ZBTB7C: variants seen among roughly 807,000 people sequenced by gnomAD.
ZBTB7C encodes zinc finger and BTB domain containing 7C.
Under a neutral mutation model 25.7 loss-of-function variants are expected in ZBTB7C, and 8 were observed. That is an observed-to-expected ratio of 0.31 (90% confidence interval 0.18 to 0.56). The LOEUF is 0.56. Among genes scored for constraint, ZBTB7C ranks in the 20% least tolerant of loss-of-function variants. ZBTB7C has a pLI of 0.91. For missense variants in ZBTB7C, 824 were observed against 855.2 expected (o/e 0.96, Z 0.46); for synonymous variants, 394 against 369.0 (o/e 1.07, Z -0.78).
At chr18:48,298,343 G>A (rs1025716393) in intron 2 of ZBTB7C, among the ~76,000 whole-genome samples, 1 of 151,456 alleles carries the variant, frequency 6.6e-6, no homozygotes, top group African/African-American at 2.4e-5. Context: ...GGACAGACCT[G>A]CCCCCTGTCC....
At chr18:48,278,649 C>T (rs1169002258) in intron 2 of ZBTB7C, among the ~76,000 whole-genome samples, 2 of 152,088 alleles carry the variant, frequency 1.3e-5, no homozygotes, top group Admixed American at 6.5e-5. Context: ...AGGCTGGTCT[C>T]GAACTCCTGA....
At chr18:48,371,752 AT>A (rs2047393757) in intron 1 of ZBTB7C, among the ~76,000 whole-genome samples, 2 of 152,340 alleles carry the variant, frequency 1.3e-5, no homozygotes, top group South Asian at 4.1e-4. Flanking sequence ...GGCAGGTTTC[AT>A]TATTCCTAAA....
At chr18:48,205,857 T>C (rs1265899126) in intron 2 of ZBTB7C, among the ~76,000 whole-genome samples, 1 of 152,156 alleles carries the variant, frequency 6.6e-6, no homozygotes, top group Non-Finnish European at 1.5e-5. Flanking sequence ...ATAACCTCTC[T>C]CAAGGTTGTT....
At chr18:48,097,885 T>C (rs2038696340) in intron 3 of ZBTB7C, among the ~76,000 whole-genome samples, 2 of 152,164 alleles carry the variant, frequency 1.3e-5, no homozygotes, top group African/African-American at 4.8e-5. Context: ...GCATCTTTTT[T>C]TTTTTTTTAC....
At chr18:48,281,430 C>CA (rs2044845523) in intron 2 of ZBTB7C, among the ~76,000 whole-genome samples, 2 of 152,126 alleles carry the variant, frequency 1.3e-5, no homozygotes, top group Non-Finnish European at 2.9e-5. Context: ...ACACCAAAAG[C>CA]AATGGCAACA....
intron 3 of ZBTB7C, among the ~76,000 whole-genome samples, chr18:48,091,247 T>C (rs1227196912): frequency 1.4e-5 from 2 of 141,516 alleles, no homozygotes; most frequent in Non-Finnish European, 3.1e-5. Context: ...AATTTTTTTT[T>C]TTTTTTTTTT....
At chr18:48,200,579 T>C (rs895969617) in intron 2 of ZBTB7C, among the ~76,000 whole-genome samples, 1 of 152,130 alleles carries the variant, frequency 6.6e-6, no homozygotes, top group Admixed American at 6.5e-5. Flanking sequence ...ATAAATAATA[T>C]GAAAATCCAC....
chr18:48,329,628 G>A (rs2046300500), intron 2 of ZBTB7C, among the ~76,000 whole-genome samples: 1 of 152,152 alleles, frequency 6.6e-6, no homozygotes, highest in Non-Finnish European at 1.5e-5. Context: ...TTATGTATGT[G>A]TGTTTGCACA....
At chr18:48,046,962 T>C (rs1429438989) in intron 3 of ZBTB7C, among the ~76,000 whole-genome samples, 2 of 152,208 alleles carry the variant, frequency 1.3e-5, no homozygotes, top group East Asian at 3.8e-4. Context: ...TTCCCAGCAG[T>C]GACTTCTCAC....
intron 2 of ZBTB7C, among the ~76,000 whole-genome samples, chr18:48,302,821 T>C (rs1481682565): frequency 1.3e-5 from 2 of 152,328 alleles, no homozygotes; most frequent in South Asian, 2.1e-4. Flanking sequence ...CTGGAAACCA[T>C]TTCTTTGCAG....
chr18:48,065,996 C>A (rs1414769812), intron 3 of ZBTB7C, among the ~76,000 whole-genome samples: 1 of 152,202 alleles, frequency 6.6e-6, no homozygotes, highest in Non-Finnish European at 1.5e-5. Flanking sequence ...GGATCCAGCC[C>A]TAGTAGGCAA....
chr18:48,357,952 G>A (rs2047013999), intron 1 of ZBTB7C, among the ~76,000 whole-genome samples: 1 of 152,226 alleles, frequency 6.6e-6, no homozygotes, highest in South Asian at 2.1e-4. Flanking sequence ...GCTGGTGAGA[G>A]TGCTTGGATC....
intron 1 of ZBTB7C, among the ~76,000 whole-genome samples, chr18:48,391,706 C>A (rs889727466): frequency 6.6e-6 from 1 of 152,180 alleles, no homozygotes; most frequent in Non-Finnish European, 1.5e-5. Flanking sequence ...TTGAACTACA[C>A]GTGGTTGGGT....
chr18:48,029,263 G>A lies in ZBTB7C; in HGVS notation c.1857C>T (p.Asn619=). Residue 619 remains asparagine, a synonymous_variant, in exon 5 of 5, where the codon AAC becomes AAT. Transcript: ENST00000590800. Reference sequence around the variant, plus strand: ...GCTGGAGCCGACAGGGACCAGCCTAGTTGTTGGCTTCGGACATGGAGGCCA... The same window carrying A: ...GCTGGAGCCGACAGGGACCAGCCTAATTGTTGGCTTCGGACATGGAGGCCA... ...NHVASMSEAN[N] is the part of the protein sequence containing the mutation. 6.5e-7 allele frequency: 1 copy of A among 1,538,100 alleles called. No homozygotes were observed. The highest frequency in any genetic ancestry group is 1.2e-5 in the South Asian group (1 of 84,044).
intron 1 of ZBTB7C, among the ~76,000 whole-genome samples, chr18:48,365,513 G>A (rs957662325): frequency 7.2e-5 from 11 of 152,194 alleles, no homozygotes; most frequent in African/African-American, 2.7e-4. Flanking sequence ...GAAGAAGCAA[G>A]CTGCCATGAA....
intron 3 of ZBTB7C, among the ~76,000 whole-genome samples, chr18:48,119,278 C>T (rs954326763): frequency 2.0e-5 from 3 of 152,230 alleles, no homozygotes; most frequent in Non-Finnish European, 2.9e-5. Context: ...AACAATGGCA[C>T]CTGATCTTCT....
At chr18:48,192,979 C>T (rs1482713448) in intron 2 of ZBTB7C, among the ~76,000 whole-genome samples, 3 of 152,164 alleles carry the variant, frequency 2.0e-5, no homozygotes, top group Non-Finnish European at 4.4e-5. Context: ...AAAAAATCAA[C>T]CATTTCAAAA....
chr18:48,052,943 T>A (rs2036754452), intron 3 of ZBTB7C, among the ~76,000 whole-genome samples: 1 of 152,204 alleles, frequency 6.6e-6, no homozygotes, highest in African/African-American at 2.4e-5. Context: ...GGGTTTCCTG[T>A]GACCTTGACT....
chr18:48,288,223 T>C (rs1190094687), intron 2 of ZBTB7C, among the ~76,000 whole-genome samples: 4 of 152,256 alleles, frequency 2.6e-5, no homozygotes, highest in Admixed American at 6.5e-5. Context: ...GTGGACTGAA[T>C]GTTTATGTCC....
Sources: gnomAD v4.1 joint callset for allele counts (sites outside exome capture counted in the v4.1 genomes callset) on GRCh38, gnomAD v4.1.1 for gene constraint, MANE v1.5 for transcripts, NCBI Gene and HGNC (gene_info 2026-07-23, HGNC 2026-07-21) for gene names.